The following MARK3 variants were observed in gnomAD, a reference collection of about 807,000 sequenced individuals.
The protein encoded by MARK3 is MAP/microtubule affinity-regulating kinase 3.
In MARK3, 46 loss-of-function variants were observed where a neutral mutation model predicts 90.1. The ratio of observed to expected loss-of-function variants is 0.51; its 90% CI spans 0.40 to 0.65. The LOEUF (loss-of-function observed/expected upper bound fraction) is 0.65. Ranked by LOEUF, MARK3 falls within the 30% of genes least tolerant of loss-of-function variation. MARK3 has a pLI of 0.00. For missense variants in MARK3, 818 were observed against 947.2 expected, an observed-to-expected ratio of 0.86 and a Z score of 1.79; for synonymous variants, 321 against 332.6, an observed-to-expected ratio of 0.97 and a Z score of 0.38.
intron 6 of MARK3, among the ~76,000 whole-genome samples, chr14:103,460,154 C>T (rs565918662): frequency 8.0e-6 from 1 of 125,650 alleles, no homozygotes; most frequent in African/African-American, 3.0e-5. Context: ...GGCGCGATCT[C>T]GGCTCACTGC....
chr14:103,388,576 T>C (rs576483982), intron 1 of MARK3, among the ~76,000 whole-genome samples: 1 of 152,324 alleles, frequency 6.6e-6, no homozygotes, highest in East Asian at 1.9e-4. Flanking sequence ...TACAGTTTGG[T>C]GAATTTTGAC....
intron 3 of MARK3, among the ~76,000 whole-genome samples, chr14:103,446,054 G>A (rs538302045): frequency 1.3e-5 from 2 of 152,172 alleles, no homozygotes; most frequent in Non-Finnish European, 2.9e-5. Flanking sequence ...CTCCCTGTGG[G>A]TGACACAAGG....
Position 103,389,391 on chromosome 14 carries a change from G to A in MARK3, c.51+3311G>A, listed in dbSNP as rs577796860. On this transcript the variant is annotated intron_variant, in intron 1 of 17. Transcript: ENST00000429436. ...AAAAAAAAAAAAATTAGCCAGGTGC[G>A]GTGGTGCATGCCTGTAATTCCAGCT... is the stretch of plus-strand genomic sequence containing the variant. 3.2e-3 allele frequency among the ~76,000 whole-genome samples: 488 copies of A among 150,720 alleles called. 1 individual carries two copies. The highest frequency in any genetic ancestry group is 0.011 in the African/African-American group (465 of 41,110).
At chr14:103,491,275 T>C in intron 14 of MARK3, 1 of 320,906 alleles carries the variant, frequency 3.1e-6, no homozygotes, top group Non-Finnish European at 5.3e-6. Flanking sequence ...CGGTTGTGTA[T>C]TGTGTGTCTT....
At chr14:103,391,401 G>A (rs2090232239) in intron 1 of MARK3, among the ~76,000 whole-genome samples, 2 of 152,038 alleles carry the variant, frequency 1.3e-5, no homozygotes, top group Non-Finnish European at 2.9e-5. Context: ...CCTGTTTTAA[G>A]AAAAAAGCAA....
In MARK3 at chr14:103,467,974, C is replaced by T. The variant is rs2093547385; in HGVS notation, c.1111-59C>T. ...TCTGTGTTAATGAAAAGTTTAACTTCCTAATAAGCCATTTGGGTTCGTGTT... is the reference window on the plus strand; with the variant it reads ...TCTGTGTTAATGAAAAGTTTAACTTTCTAATAAGCCATTTGGGTTCGTGTT... On this transcript the variant is annotated intron_variant, in intron 11 of 17. Coordinates refer to ENST00000429436, the MANE Select transcript of MARK3 (RefSeq NM_001128918.3). 20 of 1,561,942 alleles carry T rather than the reference C, an allele frequency of 1.3e-5. 1 individual carries two copies. The South Asian group carries it at 2.4e-4, about 18-fold the overall frequency.
intron 2 of MARK3, among the ~76,000 whole-genome samples, chr14:103,408,014 C>A (rs1206225057): frequency 6.6e-6 from 1 of 152,114 alleles, no homozygotes; most frequent in Non-Finnish European, 1.5e-5. Flanking sequence ...CGATACTCCC[C>A]TTATATGGCA....
intron 6 of MARK3, among the ~76,000 whole-genome samples, chr14:103,461,758 C>T (rs964724490): frequency 5.3e-5 from 8 of 152,112 alleles, no homozygotes; most frequent in African/African-American, 9.7e-5. Flanking sequence ...TGCACCAGGC[C>T]GGGCGCAGTG....
chr14:103,462,567 A>T, intron 7 of MARK3, 106 bp downstream of exon 7: 2 of 650,382 alleles, frequency 3.1e-6, no homozygotes, highest in African/African-American at 1.8e-5. Flanking sequence ...AGCATTTTTT[A>T]AAATCCCACA....
chr14:103,405,675 C>T (rs530356165), intron 2 of MARK3, among the ~76,000 whole-genome samples: 3 of 151,952 alleles, frequency 2.0e-5, no homozygotes, highest in African/African-American at 7.2e-5. Context: ...TATTACATGT[C>T]AAGTTCTAAC....
At chr14:103,405,592 C>T (rs1001882368) in intron 2 of MARK3, among the ~76,000 whole-genome samples, 11 of 151,946 alleles carry the variant, frequency 7.2e-5, no homozygotes, top group African/African-American at 1.9e-4. Context: ...CCGCCCGTCT[C>T]GGCCTCCCAA....
chr14:103,433,666 C>T (rs547135090), intron 3 of MARK3, among the ~76,000 whole-genome samples: 1 of 152,146 alleles, frequency 6.6e-6, no homozygotes, highest in African/African-American at 2.4e-5. Flanking sequence ...GCCTGGGTGA[C>T]GGTGAGACTC....
At chr14:103,479,075 C>T (rs1374316129) in intron 13 of MARK3, among the ~76,000 whole-genome samples, 1 of 152,110 alleles carries the variant, frequency 6.6e-6, no homozygotes, top group Non-Finnish European at 1.5e-5. Context: ...GGCTAAAGTA[C>T]AATGGTGCAA....
At chr14:103,417,551 T>C (rs1566805275) in intron 2 of MARK3, 1 of 152,206 alleles carries the variant, frequency 6.6e-6, no homozygotes, top group Non-Finnish European at 1.5e-5. Context: ...CAAGGGTTAG[T>C]CTTCATTCAT....
intron 2 of MARK3, among the ~76,000 whole-genome samples, chr14:103,426,258 A>G (rs2092398448): frequency 9.1e-6 from 1 of 109,488 alleles, no homozygotes; most frequent in South Asian, 3.5e-4. Context: ...TTTGAAATCA[A>G]TTGTTAAATA....
intron 15 of MARK3, among the ~76,000 whole-genome samples, chr14:103,494,723 G>A (rs940206317): frequency 1.3e-5 from 2 of 151,720 alleles, no homozygotes; most frequent in Non-Finnish European, 2.9e-5. Flanking sequence ...GGCAATCTTC[G>A]CCTTCCAGGT....
At chr14:103,487,180 G>C (rs1435710986) in intron 14 of MARK3, among the ~76,000 whole-genome samples, 19 of 150,732 alleles carry the variant, frequency 1.3e-4, no homozygotes, top group Non-Finnish European at 2.4e-4. Context: ...GCCTCCCAAA[G>C]TGCTGGGATT....
chr14:103,418,258 T>A (rs1318498518), intron 2 of MARK3, among the ~76,000 whole-genome samples: 2 of 132,792 alleles, frequency 1.5e-5, no homozygotes, highest in African/African-American at 5.6e-5. Context: ...TTTTATAAAG[T>A]AGATTTTTGT....
At chr14:103,392,269 T>C (rs1267574545) in intron 1 of MARK3, among the ~76,000 whole-genome samples, 2 of 152,310 alleles carry the variant, frequency 1.3e-5, no homozygotes, top group South Asian at 2.1e-4. Context: ...CTGGGACACA[T>C]AGCTTTCCTG....
Sources: gnomAD v4.1 joint callset for allele counts (sites outside exome capture counted in the v4.1 genomes callset) on GRCh38, gnomAD v4.1.1 for gene constraint, MANE v1.5 for transcripts, NCBI Gene and HGNC (gene_info 2026-07-23, HGNC 2026-07-21) for gene names.